The following ZGRF1 variants were observed in gnomAD, a reference collection of about 807,000 sequenced individuals.
The protein encoded by ZGRF1 is 5'-3' DNA helicase ZGRF1.
ZGRF1 carries 196 observed loss-of-function variants against 203.5 expected under a neutral mutation model. The ratio of observed to expected loss-of-function variants is 0.96; its 90% CI spans 0.86 to 1.08. The LOEUF is 1.08. Among genes scored for constraint, ZGRF1 ranks in the 50% least tolerant of loss-of-function variants. The pLI is 0.00. For missense variants in ZGRF1, 2,326 were observed against 2,416.3 expected, an observed-to-expected ratio of 0.96 and a Z score of 0.78; for synonymous variants, 809 against 841.3, an observed-to-expected ratio of 0.96 and a Z score of 0.66.
intron 8 of ZGRF1, among the ~76,000 whole-genome samples, chr4:112,608,855 G>T (rs1009734724): frequency 2.6e-5 from 4 of 152,050 alleles, no homozygotes; most frequent in African/African-American, 9.7e-5. Context: ...CATGGGTTTG[G>T]TAATGTTTGC....
rs144985023 is a variant in ZGRF1 at position 112,618,005 on chromosome 4, C to G, written c.2037G>C (p.Pro679=). The G allele has an allele frequency of 1.2e-6, 2 of 1,612,252 alleles. No individual in the cohort carries two copies. The highest frequency in any genetic ancestry group is 1.1e-5 in the South Asian group (1 of 90,840). ...TCATGTTTATACCTTTAGATTTATT[C>G]GGGGGTAAAGCAAAATCATAGTTAA... The part of the protein sequence containing the change: ...VRINYDFALP[P]NKSKGINMNL... The change falls in exon 6 of 28, where the codon CCG becomes CCC. Residue 679 remains proline, a synonymous_variant. Transcript: ENST00000505019.
chr4:112,558,379 C>T (rs1741345757), intron 19 of ZGRF1, 70 bp from the exon 20 acceptor site: 1 of 1,299,640 alleles, frequency 7.7e-7, no homozygotes, highest in Non-Finnish European at 1.0e-6. Context: ...TTTTCTTTTT[C>T]TTGAGACAGA....
chr4:112,627,785 C>T (rs2047284970), intron 3 of ZGRF1, among the ~76,000 whole-genome samples: 1 of 152,176 alleles, frequency 6.6e-6, no homozygotes, highest in African/African-American at 2.4e-5. Flanking sequence ...TGTCACTCTT[C>T]TTCTCATAAT....
At chr4:112,622,520 G>GAA (rs5861105) in intron 4 of ZGRF1, among the ~76,000 whole-genome samples, 1,522 of 75,190 alleles carry the variant, frequency 0.02, 25 homozygotes, top group Non-Finnish European at 0.029. Flanking sequence ...ACTCCATCTC[G>GAA]AAAAAAAAAA....
At chr4:112,633,271 AC>A in intron 1 of ZGRF1, 29 bp from the exon 2 acceptor site, 1 of 1,018,616 alleles carries the variant, frequency 9.8e-7, no homozygotes, top group Non-Finnish European at 1.5e-6. Flanking sequence ...TAAAATTTCA[AC>A]CCTGATTTTT....
At chr4:112,609,467 G>A (rs1277301111) in intron 7 of ZGRF1, 38 bp from the exon 8 acceptor site, 2 of 1,110,586 alleles carry the variant, frequency 1.8e-6, no homozygotes, top group Non-Finnish European at 1.3e-6. Context: ...AAACTAATAG[G>A]CAATAATAAT....
intron 16 of ZGRF1, among the ~76,000 whole-genome samples, chr4:112,580,391 G>C (rs12506193): frequency 0.58 from 75,458 of 130,300 alleles, 23,204 homozygotes; most frequent in East Asian, 0.95. Flanking sequence ...TCTAAAACAC[G>C]AAAAGCAATG....
Position 112,603,527 on chromosome 4 carries a change from C to A in ZGRF1, c.2973G>T (p.Leu991Phe). The A allele has an allele frequency of 6.3e-7, 1 of 1,595,640 alleles. No homozygotes were observed. The highest frequency in any genetic ancestry group is 8.6e-7 in the Non-Finnish European group (1 of 1,169,426). ...LPSTCMQIDF[L>F]QVTSPEENIS... Reference sequence around the variant, plus strand: ...GCAACTATAAAAATATTTTTACCTGCAAGAAGTCAATCTGCATACACGTGC... The same window carrying A: ...GCAACTATAAAAATATTTTTACCTGAAAGAAGTCAATCTGCATACACGTGC... The change falls in exon 10 of 28, where the codon TTG (leucine) becomes TTT (phenylalanine). Residue 991 changes from leucine to phenylalanine, a missense_variant. Physicochemically the swap from Leu to Phe is conservative, Grantham distance 22. Coordinates refer to ENST00000505019, the MANE Select transcript of ZGRF1 (RefSeq NM_018392.5).
At chr4:112,563,405 G>C (rs1350580745) in intron 16 of ZGRF1, 131 bp from the exon 17 acceptor site, 13 of 607,574 alleles carry the variant, frequency 2.1e-5, no homozygotes, top group Non-Finnish European at 3.4e-5. Flanking sequence ...AAGATGAGAA[G>C]TAAAGTTCTG....
intron 22 of ZGRF1, among the ~76,000 whole-genome samples, chr4:112,551,673 A>T (rs1739984952): frequency 6.6e-6 from 1 of 152,170 alleles, no homozygotes. Flanking sequence ...TTTAAAAATG[A>T]TCAAGCTTTG....
intron 20 of ZGRF1, among the ~76,000 whole-genome samples, chr4:112,557,211 AC>A: frequency 1.3e-5 from 2 of 149,456 alleles, no homozygotes; most frequent in Admixed American, 1.3e-4. Flanking sequence ...TCCCTCTGTC[AC>A]CCATGCTGGA....
At chr4:112,604,287 T>G (rs1750435055) in intron 9 of ZGRF1, among the ~76,000 whole-genome samples, 1 of 152,012 alleles carries the variant, frequency 6.6e-6, no homozygotes, top group Admixed American at 6.6e-5. Context: ...ATAATTTTAT[T>G]ACAAGCATAA....
At chr4:112,597,098 C>T (rs575309488) in intron 10 of ZGRF1, among the ~76,000 whole-genome samples, 1 of 151,562 alleles carries the variant, frequency 6.6e-6, no homozygotes, top group East Asian at 2.0e-4. Context: ...CCTGTAGTCC[C>T]AGCTTCTTGG....
In ZGRF1 at chr4:112,611,684, A is replaced by G. The variant is rs2046683397; in HGVS notation, c.2667+840T>C. Among the ~76,000 whole-genome samples the G allele has an allele frequency of 2.0e-5, 3 of 152,180 alleles. No individual in the cohort carries two copies. In the South Asian group the frequency reaches 6.2e-4, roughly 31 times the overall value. On this transcript the variant is annotated intron_variant, in intron 7 of 27. Coordinates refer to ENST00000505019, the MANE Select transcript of ZGRF1 (RefSeq NM_018392.5). ...CACAATGAACTCACAGGAGCTCCAT[A>G]AGGTGTTTTATATGTAGGGTAACAG...
intron 16 of ZGRF1, among the ~76,000 whole-genome samples, chr4:112,570,368 C>G (rs1477055088): frequency 1.3e-5 from 2 of 152,132 alleles, no homozygotes; most frequent in African/African-American, 4.8e-5. Flanking sequence ...GAGGGCAGAC[C>G]ACTTGAGGCT....
rs147842908 is a variant in ZGRF1, at chr4:112,619,380, T to C, written c.662A>G (p.Asn221Ser). The part of the protein sequence containing the change: ...NYFCSPVNSG[N>S]KLSDSLLTNE... ...GGTCAGTAAAGAGTCTGAAAGCTTA[T>C]TTCCAGAATTGACAGGTGAGCAAAA... The change falls in exon 6 of 28, where the codon AAT (asparagine) becomes AGT (serine). Residue 221 changes from asparagine (N) to serine (S), a missense_variant. Asn to Ser is a conservative substitution (Grantham distance 46). Coordinates refer to ENST00000505019, the MANE Select transcript of ZGRF1 (RefSeq NM_018392.5). 79 of 1,613,170 alleles carry C rather than the reference T, an allele frequency of 4.9e-5. No homozygotes were observed. Among genetic ancestry groups the C allele is most frequent in the Admixed American group, 8.3e-5 (5 of 59,926 alleles).
intron 4 of ZGRF1, among the ~76,000 whole-genome samples, chr4:112,621,437 G>C (rs1315963492): frequency 6.6e-6 from 1 of 151,946 alleles, no homozygotes. Flanking sequence ...ATCACCTGAG[G>C]TTGGGAGTTT....
chr4:112,619,694 A>C lies in ZGRF1; in HGVS notation c.352-4T>G, dbSNP rs1441664801. ...CCTGACGTGGTCCTTGAAAACCCTG[A>C]AAATATTAAAATAACTGTTAGGTGT... On this transcript the variant is annotated splice_region_variant and splice_polypyrimidine_tract_variant and intron_variant, in intron 5 of 27. Coordinates refer to ENST00000505019, the MANE Select transcript of ZGRF1 (RefSeq NM_018392.5). The C allele has an allele frequency of 1.9e-6, 3 of 1,577,364 alleles. No individual in the cohort carries two copies. The highest frequency in any genetic ancestry group is 2.6e-6 in the Non-Finnish European group (3 of 1,162,724).
intron 24 of ZGRF1, among the ~76,000 whole-genome samples, chr4:112,544,975 T>C (rs1008604791): frequency 1.3e-5 from 2 of 152,148 alleles, no homozygotes; most frequent in African/African-American, 4.8e-5. Context: ...TCTCAAACCA[T>C]GTACAAAAAT....
Sources: allele counts gnomAD v4.1 joint callset (sites outside exome capture counted in the v4.1 genomes callset), GRCh38; gene constraint gnomAD v4.1.1; transcripts MANE v1.5; gene names NCBI Gene and HGNC (gene_info 2026-07-23, HGNC 2026-07-21).